ATXN7L1: variants seen among roughly 807,000 people sequenced by gnomAD.
The protein encoded by ATXN7L1 is ataxin 7 like 1, also known as ataxin-7-like protein 1.
A neutral mutation model predicts 70.8 loss-of-function variants in ATXN7L1; 15 were observed. The ratio of observed to expected loss-of-function variants is 0.21; its 90% CI spans 0.14 to 0.33. ATXN7L1 has a LOEUF of 0.33. Among genes scored for constraint, ATXN7L1 ranks in the 10% least tolerant of loss-of-function variants. ATXN7L1 has a pLI of 1.00. For synonymous variants in ATXN7L1, 440 were observed against 445.1 expected (o/e 0.99, Z 0.14); for missense variants, 975 against 1,097.1 (o/e 0.89, Z 1.57).
intron 3 of ATXN7L1, among the ~76,000 whole-genome samples, chr7:105,715,650 T>C (rs1794449630): frequency 6.6e-6 from 1 of 152,238 alleles, no homozygotes; most frequent in Non-Finnish European, 1.5e-5. Flanking sequence ...GGGTGCTCAC[T>C]CAGGGACCAA....
At chr7:105,735,891 A>G (rs2116346104) in intron 3 of ATXN7L1, among the ~76,000 whole-genome samples, 1 of 152,328 alleles carries the variant, frequency 6.6e-6, no homozygotes, top group East Asian at 1.9e-4. Flanking sequence ...AGCCTAAGCC[A>G]CCAATCCACT....
Position 105,677,985 on chromosome 7 carries a change from G to A in ATXN7L1, c.356-12697C>T, listed in dbSNP as rs1384402934. On this transcript the variant is annotated intron_variant, in intron 3 of 11. Transcript: ENST00000419735. Reference sequence around the variant, plus strand: ...TGGTCCCACAGCAGCCACTAATAACGGAACCATTTCTGTTCTCCTTGGAGT... The same window carrying A: ...TGGTCCCACAGCAGCCACTAATAACAGAACCATTTCTGTTCTCCTTGGAGT... The A allele has an allele frequency of 8.1e-6, 8 of 985,206 alleles. No individual in the cohort carries two copies. The African/African-American group carries it at 8.7e-5, about 11-fold the overall frequency. 61.0% of individuals were successfully genotyped at this position (985,206 alleles called of 1,614,324 possible).
At chr7:105,648,097 T>C (rs1799322086) in intron 4 of ATXN7L1, among the ~76,000 whole-genome samples, 1 of 152,140 alleles carries the variant, frequency 6.6e-6, no homozygotes, top group Non-Finnish European at 1.5e-5. Context: ...CCAGGTGAGT[T>C]GGTAAGGGGC....
intron 2 of ATXN7L1, among the ~76,000 whole-genome samples, chr7:105,800,442 C>T (rs1043958366): frequency 1.3e-5 from 2 of 152,194 alleles, no homozygotes; most frequent in South Asian, 2.1e-4. Flanking sequence ...TGTATTTGCA[C>T]GCTCCTCTGC....
chr7:105,734,049 T>C (rs139541947), intron 3 of ATXN7L1, among the ~76,000 whole-genome samples: 1 of 152,352 alleles, frequency 6.6e-6, no homozygotes, highest in East Asian at 1.9e-4. Flanking sequence ...TGGCACATCA[T>C]CTTATCTTTC....
chr7:105,667,271 T>A (rs1273182934), intron 3 of ATXN7L1, among the ~76,000 whole-genome samples: 1 of 152,074 alleles, frequency 6.6e-6, no homozygotes, highest in Non-Finnish European at 1.5e-5. Context: ...TACTCAAGGA[T>A]CAGGGTGCCT....
chr7:105,618,318 G>A (rs1196065518), intron 9 of ATXN7L1, among the ~76,000 whole-genome samples: 1 of 152,188 alleles, frequency 6.6e-6, no homozygotes, highest in Non-Finnish European at 1.5e-5. Context: ...GCACCAATTT[G>A]TTGCTGTTTG....
At chr7:105,806,730 G>A (rs989933252) in intron 2 of ATXN7L1, among the ~76,000 whole-genome samples, 1 of 152,108 alleles carries the variant, frequency 6.6e-6, no homozygotes, top group Non-Finnish European at 1.5e-5. Flanking sequence ...TGAGAGGAAC[G>A]CTCGCAGAGG....
At chr7:105,850,508 C>T (rs1814716809) in intron 2 of ATXN7L1, among the ~76,000 whole-genome samples, 2 of 152,362 alleles carry the variant, frequency 1.3e-5, no homozygotes, top group East Asian at 3.8e-4. Flanking sequence ...CTATGAGCTA[C>T]CTGTGATATC....
chr7:105,835,927 GA>G (rs1010894004), intron 2 of ATXN7L1, among the ~76,000 whole-genome samples: 5 of 151,882 alleles, frequency 3.3e-5, no homozygotes, highest in Non-Finnish European at 5.9e-5. Context: ...AATACCAAGG[GA>G]AAAAAACCCT....
rs58369688 is a variant in ATXN7L1 at position 105,797,021 on chromosome 7, CA to C, written c.251-8314del. On this transcript the variant is annotated intron_variant, in intron 2 of 11. Transcript: ENST00000419735. ...GGCTCCATTGTGAGAGATTCAAAAT[CA>C]GTGAAATCTGCAAAGGGAAAATGAA... Among the ~76,000 whole-genome samples the C allele has an allele frequency of 1.6e-4, 25 of 152,266 alleles. No homozygotes were observed. The East Asian group carries it at 4.8e-3, about 29-fold the overall frequency.
intron 3 of ATXN7L1, among the ~76,000 whole-genome samples, chr7:105,725,069 T>C (rs1795649172): frequency 6.6e-6 from 1 of 152,190 alleles, no homozygotes; most frequent in Non-Finnish European, 1.5e-5. Flanking sequence ...TAATTACATA[T>C]GCAGACCCTA....
At chr7:105,864,512 C>T (rs1007990395) in intron 2 of ATXN7L1, among the ~76,000 whole-genome samples, 9 of 150,644 alleles carry the variant, frequency 6.0e-5, no homozygotes, top group African/African-American at 1.2e-4. Flanking sequence ...GCTTCACTCC[C>T]GGTTGTTTCG....
At chr7:105,790,270 T>C (rs888966580) in intron 2 of ATXN7L1, among the ~76,000 whole-genome samples, 2 of 152,208 alleles carry the variant, frequency 1.3e-5, no homozygotes, top group Non-Finnish European at 2.9e-5. Context: ...TAAAACCCAC[T>C]GAACTGTACA....
chr7:105,734,116 T>C (rs1005881948), intron 3 of ATXN7L1, among the ~76,000 whole-genome samples: 2 of 152,240 alleles, frequency 1.3e-5, no homozygotes, highest in Non-Finnish European at 2.9e-5. Flanking sequence ...GTTGTAGCTC[T>C]GTAAAAATCA....
chr7:105,613,743 A>G, intron 10 of ATXN7L1, 119 bp downstream of exon 10: 2 of 1,523,746 alleles, frequency 1.3e-6, no homozygotes, highest in Non-Finnish European at 1.8e-6. Context: ...GCCTTCGGGG[A>G]AAACGAGAAC....
chr7:105,845,921 T>C (rs1423256606), intron 2 of ATXN7L1, among the ~76,000 whole-genome samples: 1 of 152,224 alleles, frequency 6.6e-6, no homozygotes, highest in African/African-American at 2.4e-5. Context: ...AGATCTAATG[T>C]AGGAGCTAAA....
At chr7:105,689,001 G>A (rs1790370795) in intron 3 of ATXN7L1, among the ~76,000 whole-genome samples, 1 of 152,204 alleles carries the variant, frequency 6.6e-6, no homozygotes, top group South Asian at 2.1e-4. Flanking sequence ...AATGGACTAT[G>A]GCAAAGTGAG....
chr7:105,817,016 C>T (rs1809297991), intron 2 of ATXN7L1, among the ~76,000 whole-genome samples: 1 of 152,226 alleles, frequency 6.6e-6, no homozygotes, highest in East Asian at 1.9e-4. Flanking sequence ...TCTCAAGGGC[C>T]GTAGACATAA....
Sources: gnomAD v4.1 joint callset for allele counts (sites outside exome capture counted in the v4.1 genomes callset) on GRCh38, gnomAD v4.1.1 for gene constraint, MANE v1.5 for transcripts, NCBI Gene and HGNC (gene_info 2026-07-23, HGNC 2026-07-21) for gene names.